Variants in CSMD1 observed in about 807,000 individuals in gnomAD.
CSMD1 encodes CUB and sushi domain-containing protein 1.
CSMD1 carries 213 observed loss-of-function variants against 417.5 expected under a neutral mutation model. The observed-to-expected ratio is 0.51, with a 90% CI of 0.46 to 0.57. The LOEUF (loss-of-function observed/expected upper bound fraction) is 0.57, where lower values mean the gene tolerates loss of function less well. Among genes scored for constraint, CSMD1 ranks in the 20% least tolerant of loss-of-function variants. The probability of loss-of-function intolerance (pLI) is 0.00; values close to 1 mark genes in which losing one functional copy is unlikely to be tolerated. For synonymous variants in CSMD1, 2,862 were observed against 1,736.8 expected (o/e 1.65, Z -16.11); for missense variants, 6,923 against 4,529.7 (o/e 1.53, Z -15.17).
intron 1 of CSMD1, among the ~76,000 whole-genome samples, chr8:4,845,877 T>C (rs1220778548): frequency 1.3e-5 from 2 of 152,364 alleles, no homozygotes; most frequent in South Asian, 4.1e-4. Flanking sequence ...ATGAGGATTT[T>C]GTCAGTCACC....
intron 48 of CSMD1, among the ~76,000 whole-genome samples, chr8:3,090,798 C>A (rs1814889334): frequency 1.3e-5 from 2 of 152,046 alleles, no homozygotes; most frequent in South Asian, 4.1e-4. Context: ...GAAATGTGCT[C>A]AGGAATTAAG....
chr8:3,725,738 G>T (rs1026236056), intron 6 of CSMD1, among the ~76,000 whole-genome samples: 3 of 152,154 alleles, frequency 2.0e-5, no homozygotes, highest in Admixed American at 6.5e-5. Context: ...ACCAACTGCT[G>T]TGTTGTTAGT....
At chr8:3,534,785 C>T (rs1798123606) in intron 10 of CSMD1, among the ~76,000 whole-genome samples, 1 of 152,140 alleles carries the variant, frequency 6.6e-6, no homozygotes, top group South Asian at 2.1e-4. Context: ...ACTTTATTTC[C>T]TTGTTACAAA....
At chr8:3,679,790 G>T (rs997402532) in intron 7 of CSMD1, among the ~76,000 whole-genome samples, 1 of 152,150 alleles carries the variant, frequency 6.6e-6, no homozygotes, top group African/African-American at 2.4e-5. Context: ...TGGAAGTAAA[G>T]CTCTCCTCAG....
chr8:3,476,872 C>T (rs375828129), intron 11 of CSMD1, among the ~76,000 whole-genome samples: 2 of 144,148 alleles, frequency 1.4e-5, no homozygotes, highest in Admixed American at 7.2e-5. Flanking sequence ...GAGCCAAGAC[C>T]GTGTCACTGC....
chr8:4,566,204 G>A (rs113248238), intron 2 of CSMD1, among the ~76,000 whole-genome samples: 1 of 152,034 alleles, frequency 6.6e-6, no homozygotes, highest in Non-Finnish European at 1.5e-5. Flanking sequence ...GACCATGCTA[G>A]TCAAAATGTA....
At chr8:4,241,023 T>A (rs991814634) in intron 3 of CSMD1, among the ~76,000 whole-genome samples, 1 of 152,194 alleles carries the variant, frequency 6.6e-6, no homozygotes, top group African/African-American at 2.4e-5. Flanking sequence ...TCTGACTGAC[T>A]AGTGTTATTT....
intron 41 of CSMD1, among the ~76,000 whole-genome samples, chr8:3,136,343 G>A (rs777007286): frequency 2.7e-5 from 4 of 146,900 alleles, no homozygotes; most frequent in Non-Finnish European, 5.9e-5. Context: ...TACAAACCCC[G>A]GTCTCTGGTC....
chr8:3,264,764 C>T (rs932445050), intron 26 of CSMD1, among the ~76,000 whole-genome samples: 2 of 152,036 alleles, frequency 1.3e-5, no homozygotes, highest in Non-Finnish European at 2.9e-5. Flanking sequence ...GGGTACATAG[C>T]TAGTAAAGAT....
At chr8:4,412,825 G>T (rs1041235691) in intron 3 of CSMD1, among the ~76,000 whole-genome samples, 25 of 152,284 alleles carry the variant, frequency 1.6e-4, no homozygotes, top group Middle Eastern at 3.4e-3. Flanking sequence ...AGGCCTGTAT[G>T]TGAAACCAAA....
intron 50 of CSMD1, among the ~76,000 whole-genome samples, chr8:3,046,527 G>A (rs1811458287): frequency 6.6e-6 from 1 of 152,124 alleles, no homozygotes; most frequent in South Asian, 2.1e-4. Context: ...CGCCCCCACG[G>A]ATCATGAAAC....
chr8:3,690,111 C>T (rs1287103836), intron 7 of CSMD1, among the ~76,000 whole-genome samples: 1 of 152,202 alleles, frequency 6.6e-6, no homozygotes, highest in Non-Finnish European at 1.5e-5. Flanking sequence ...GTAATCCCAG[C>T]ACTTTAGGAG....
chr8:4,188,836 A>T (rs568139686), intron 3 of CSMD1, among the ~76,000 whole-genome samples: 59 of 109,492 alleles, frequency 5.4e-4, no homozygotes, highest in Non-Finnish European at 8.8e-4. Flanking sequence ...GAGGGATATT[A>T]AAAAAAAAAA....
At chr8:4,942,802 C>G (rs1232806924) in intron 1 of CSMD1, among the ~76,000 whole-genome samples, 1 of 152,194 alleles carries the variant, frequency 6.6e-6, no homozygotes, top group Non-Finnish European at 1.5e-5. Context: ...GAAACTGCAA[C>G]TTAAATGAAG....
At chr8:4,022,231 C>A (rs528514350) in intron 4 of CSMD1, among the ~76,000 whole-genome samples, 1 of 148,398 alleles carries the variant, frequency 6.7e-6, no homozygotes, top group Non-Finnish European at 1.5e-5. Flanking sequence ...AATAAAGGTG[C>A]TGACTATTTT....
chr8:4,339,730 C>T (rs149189696), intron 3 of CSMD1, among the ~76,000 whole-genome samples: 2,291 of 152,020 alleles, frequency 0.015, 29 homozygotes, highest in Middle Eastern at 0.034. Flanking sequence ...GGACGGTATA[C>T]GAAGTAGAAA....
chr8:4,261,385 G>T (rs1045152429), intron 3 of CSMD1, among the ~76,000 whole-genome samples: 1 of 152,124 alleles, frequency 6.6e-6, no homozygotes, highest in Non-Finnish European at 1.5e-5. Flanking sequence ...ATTAGAATCA[G>T]AATGGTAGTT....
chr8:4,046,407 A>G (rs907838632), intron 3 of CSMD1, among the ~76,000 whole-genome samples: 3 of 152,206 alleles, frequency 2.0e-5, no homozygotes, highest in African/African-American at 7.2e-5. Context: ...CATGATTTTC[A>G]TATTCATTCA....
At chr8:3,459,867 A>G (rs900199934) in intron 12 of CSMD1, among the ~76,000 whole-genome samples, 1 of 151,682 alleles carries the variant, frequency 6.6e-6, no homozygotes, top group African/African-American at 2.4e-5. Context: ...AACTCAACTA[A>G]GACTTAAAAA....
Sources: allele counts gnomAD v4.1 joint callset (sites outside exome capture counted in the v4.1 genomes callset), GRCh38; gene constraint gnomAD v4.1.1; transcripts MANE v1.5; gene names NCBI Gene and HGNC (gene_info 2026-07-23, HGNC 2026-07-21).